ERBIN: variants seen among roughly 807,000 people sequenced by gnomAD.
The protein encoded by ERBIN is densin-180-like protein.
A neutral mutation model predicts 158.4 loss-of-function variants in ERBIN; 60 were observed. The ratio of observed to expected loss-of-function variants is 0.38; its 90% CI spans 0.31 to 0.47. The LOEUF (loss-of-function observed/expected upper bound fraction) is 0.47, where lower values mean the gene tolerates loss of function less well. Ranked by LOEUF, ERBIN falls within the 20% of genes least tolerant of loss-of-function variation. ERBIN has a pLI of 0.99. For synonymous variants in ERBIN, 594 were observed against 557.2 expected (o/e 1.07, Z -0.93); for missense variants, 1,610 against 1,648.0 (o/e 0.98, Z 0.40).
chr5:66,054,779 A>C lies in ERBIN; in HGVS notation c.3461A>C (p.Glu1154Ala). The C allele has an allele frequency of 6.2e-7, 1 of 1,614,134 alleles. No individual in the cohort carries two copies. Among genetic ancestry groups the C allele is most frequent in the Non-Finnish European group, 8.5e-7 (1 of 1,180,004 alleles). ...SARPSINEIP[E>A]RTMSVSDFNY... Reference sequence around the variant, plus strand: ...CGACCCTCTATTAATGAAATACCAGAGAGAACTATGTCAGTTAGTGATTTC... The same window carrying C: ...CGACCCTCTATTAATGAAATACCAGCGAGAACTATGTCAGTTAGTGATTTC... The change falls in exon 21 of 26, where the codon GAG (glutamate) becomes GCG (alanine). Residue 1154 changes from glutamate (E) to alanine (A), a missense_variant. Glu to Ala is a moderately radical substitution (Grantham distance 107). Transcript: ENST00000284037.
intron 1 of ERBIN, among the ~76,000 whole-genome samples, chr5:65,953,894 G>C (rs956791476): frequency 6.6e-6 from 1 of 152,086 alleles, no homozygotes; most frequent in Non-Finnish European, 1.5e-5. Flanking sequence ...ACATTCTTTT[G>C]TGCCTATGCA....
rs574533780 is a variant in ERBIN at position 66,046,621 on chromosome 5, G to C, written c.1788+83G>C. The C allele has an allele frequency of 7.0e-6, 8 of 1,146,152 alleles. No homozygotes were observed. The South Asian group carries it at 1.5e-4, about 22-fold the overall frequency. 71.0% of individuals were successfully genotyped at this position (1,146,152 alleles called of 1,614,324 possible). On this transcript the variant is annotated intron_variant, in intron 18 of 25. Transcript: ENST00000284037. ...TGTTGCTAAATAAAGACCTGATACT[G>C]ATTGTAGAAAATATGTTAATGCATT...
intron 7 of ERBIN, among the ~76,000 whole-genome samples, chr5:66,016,582 C>G (rs76676952): frequency 0.059 from 8,953 of 151,122 alleles, 939 homozygotes; most frequent in African/African-American, 0.21. Flanking sequence ...TCAGCCTCTG[C>G]TAATCACCAT....
At chr5:66,056,807 A>G (rs1759628203) in intron 21 of ERBIN, among the ~76,000 whole-genome samples, 1 of 151,792 alleles carries the variant, frequency 6.6e-6, no homozygotes, top group Non-Finnish European at 1.5e-5. Flanking sequence ...TTGCTTGCCC[A>G]GACTCCTGCC....
intron 1 of ERBIN, among the ~76,000 whole-genome samples, chr5:65,982,890 G>A (rs990662065): frequency 1.2e-4 from 18 of 152,188 alleles, no homozygotes; most frequent in African/African-American, 4.1e-4. Context: ...ATTCAGGACA[G>A]GCTGTCTTGG....
chr5:66,069,290 A>C (rs990646809), intron 21 of ERBIN, among the ~76,000 whole-genome samples: 1 of 152,172 alleles, frequency 6.6e-6, no homozygotes, highest in Non-Finnish European at 1.5e-5. Flanking sequence ...ATCTTCAAAA[A>C]CTATTCTTTG....
At chr5:66,026,279 C>T (rs2151154959) in intron 12 of ERBIN, 23 bp from the exon 13 acceptor site, 5 of 1,493,158 alleles carry the variant, frequency 3.3e-6, no homozygotes, top group Non-Finnish European at 4.5e-6. Flanking sequence ...TTTTTTGATA[C>T]TCAGTTTATA....
At chr5:65,990,944 T>A (rs1751812241) in intron 2 of ERBIN, among the ~76,000 whole-genome samples, 1 of 151,882 alleles carries the variant, frequency 6.6e-6, no homozygotes, top group South Asian at 2.1e-4. Context: ...TGTATAAAGA[T>A]GGGGTTTCAC....
chr5:65,935,501 G>A (rs1743967612), intron 1 of ERBIN, among the ~76,000 whole-genome samples: 1 of 152,160 alleles, frequency 6.6e-6, no homozygotes, highest in South Asian at 2.1e-4. Flanking sequence ...AATTTCTGAA[G>A]TATTTCTAAA....
chr5:65,983,466 T>C (rs1041915568), intron 1 of ERBIN, among the ~76,000 whole-genome samples: 1 of 152,196 alleles, frequency 6.6e-6, no homozygotes, highest in Non-Finnish European at 1.5e-5. Flanking sequence ...ATATTATTAT[T>C]TTAATTGTTT....
intron 2 of ERBIN, among the ~76,000 whole-genome samples, chr5:65,990,654 T>C (rs1751770266): frequency 7.1e-6 from 1 of 141,274 alleles, no homozygotes; most frequent in Admixed American, 7.3e-5. Flanking sequence ...CAAGACTCCA[T>C]CTCAAAAAAA....
intron 15 of ERBIN, among the ~76,000 whole-genome samples, chr5:66,039,902 T>G (rs1757766123): frequency 6.6e-6 from 1 of 151,934 alleles, no homozygotes; most frequent in Non-Finnish European, 1.5e-5. Context: ...TTGCTACATC[T>G]AAATACAAGT....
At chr5:66,066,116 T>C (rs938480222) in intron 21 of ERBIN, among the ~76,000 whole-genome samples, 1 of 152,206 alleles carries the variant, frequency 6.6e-6, no homozygotes, top group Non-Finnish European at 1.5e-5. Flanking sequence ...CTGTTTTATT[T>C]ATATAACAAC....
chr5:65,983,939 TCA>T (rs2151023179), intron 1 of ERBIN, among the ~76,000 whole-genome samples: 1 of 152,218 alleles, frequency 6.6e-6, no homozygotes, highest in African/African-American at 2.4e-5. Context: ...GAACCTAGCA[TCA>T]CAGTGCACAT....
intron 21 of ERBIN, among the ~76,000 whole-genome samples, chr5:66,063,572 A>G (rs1272680492): frequency 6.6e-6 from 1 of 152,110 alleles, no homozygotes; most frequent in Non-Finnish European, 1.5e-5. Context: ...GGCACTCCCC[A>G]GTGAGATGAA....
In ERBIN at chr5:66,077,303, G is replaced by A. The variant is rs1214619371; in HGVS notation, c.4131+354G>A. On this transcript the variant is annotated intron_variant, in intron 25 of 25. Transcript: ENST00000284037. ...TGGAGAAGAAAAATTTTAAATCTGC[G>A]AAACTCATTTTTTCCTGTCCCCTCC... is the stretch of plus-strand genomic sequence containing the variant. 3.3e-5 allele frequency among the ~76,000 whole-genome samples: 5 copies of A among 152,056 alleles called. No homozygotes were observed. In the East Asian group the frequency reaches 9.6e-4, roughly 29 times the overall value.
intron 1 of ERBIN, among the ~76,000 whole-genome samples, chr5:65,948,488 C>A (rs1473776735): frequency 6.6e-6 from 1 of 151,618 alleles, no homozygotes; most frequent in Non-Finnish European, 1.5e-5. Flanking sequence ...GGTTTTTTTT[C>A]TATTTAAATA....
At chr5:65,979,925 T>C (rs1750466797) in intron 1 of ERBIN, among the ~76,000 whole-genome samples, 1 of 152,198 alleles carries the variant, frequency 6.6e-6, no homozygotes, top group South Asian at 2.1e-4. Flanking sequence ...ATACACATAC[T>C]CTTTTATAGT....
At chr5:66,068,474 G>A (rs1277839066) in intron 21 of ERBIN, among the ~76,000 whole-genome samples, 1 of 152,150 alleles carries the variant, frequency 6.6e-6, no homozygotes, top group East Asian at 1.9e-4. Context: ...ATTACTGGGT[G>A]TTGGTAAAAT....
Sources: gnomAD v4.1 joint callset for allele counts (sites outside exome capture counted in the v4.1 genomes callset) on GRCh38, gnomAD v4.1.1 for gene constraint, MANE v1.5 for transcripts, NCBI Gene and HGNC (gene_info 2026-07-23, HGNC 2026-07-21) for gene names.